The following NOC4L variants were observed in gnomAD, a reference collection of about 807,000 sequenced individuals.
NOC4L encodes the protein nucleolar complex associated 4 homolog.
A neutral mutation model predicts 62.8 loss-of-function variants in NOC4L; 40 were observed. That is an observed-to-expected ratio of 0.64 (90% CI 0.49 to 0.83). The LOEUF is 0.83. NOC4L is among the 40% of genes least tolerant of loss of function. NOC4L has a pLI of 0.00. For missense variants in NOC4L, 927 were observed against 701.9 expected, an observed-to-expected ratio of 1.32 and a Z score of -3.62; for synonymous variants, 433 against 299.8, an observed-to-expected ratio of 1.44 and a Z score of -4.59.
At chr12:132,145,280 C>G (rs1267820600) in intron 2 of NOC4L, among the ~76,000 whole-genome samples, 1 of 152,182 alleles carries the variant, frequency 6.6e-6, no homozygotes, top group African/African-American at 2.4e-5. Context: ...ATGTCCCCAT[C>G]CTGGGGACGT....
In NOC4L at chr12:132,151,723, A is replaced by C. The variant is rs1390012667; in HGVS notation, c.1235-15A>C. Reference sequence around the variant, plus strand: ...TGCTGTGGACGGCAGACAAGGGCCCACGTCTCATTCCTAGAGTTGGACGCC... The same window carrying C: ...TGCTGTGGACGGCAGACAAGGGCCCCCGTCTCATTCCTAGAGTTGGACGCC... On this transcript the variant is annotated splice_polypyrimidine_tract_variant and intron_variant, in intron 12 of 14. Coordinates refer to ENST00000330579, the MANE Select transcript of NOC4L (RefSeq NM_024078.3). The C allele has an allele frequency of 6.2e-7, 1 of 1,612,294 alleles. No individual in the cohort carries two copies. Among genetic ancestry groups the C allele is most frequent in the Non-Finnish European group, 8.5e-7 (1 of 1,179,752 alleles).
rs776094859 is a variant in NOC4L, at chr12:132,151,266, C to T, written c.971C>T (p.Pro324Leu). ...ILIHKHNLEY[P>L]DFYRKLYGLL... ...TTCCCCCCGGCCCGCAGGGAGTACC[C>T]TGACTTCTACCGGAAGCTCTACGGC... The change falls in exon 11 of 15, where the codon CCT becomes CTT. Residue 324 changes from proline (P) to leucine (L), a missense_variant. Coordinates refer to ENST00000330579, the MANE Select transcript of NOC4L (RefSeq NM_024078.3). 6.2e-7 allele frequency: 1 copy of T among 1,611,638 alleles called. No individual in the cohort carries two copies. Among genetic ancestry groups the T allele is most frequent in the Admixed American group, 1.7e-5 (1 of 60,030 alleles).
chr12:132,148,757 C>G (rs1303789518), intron 8 of NOC4L, 27 bp from the exon 9 acceptor site: 1 of 1,239,482 alleles, frequency 8.1e-7, no homozygotes, highest in African/African-American at 1.5e-5. Flanking sequence ...ACCCGCCCCT[C>G]ACCCCCACCT....
rs374870140 is a variant in NOC4L, at chr12:132,151,465, C to T, written c.1074-19C>T. 1.6e-5 allele frequency: 26 copies of T among 1,599,926 alleles called. No homozygotes were observed. The African/African-American group carries it at 3.1e-4, about 19-fold the overall frequency. ...GGCTAGCAGTCCGGGCCCTGTCTCA[C>T]AACCACTGCCCTGCCCAGCCACCTC... On this transcript the variant is annotated intron_variant, in intron 11 of 14. Coordinates refer to ENST00000330579, the MANE Select transcript of NOC4L (RefSeq NM_024078.3).
chr12:132,146,031 C>T (rs113222730), intron 3 of NOC4L, among the ~76,000 whole-genome samples: 166 of 152,308 alleles, frequency 1.1e-3, no homozygotes, highest in African/African-American at 3.7e-3. Flanking sequence ...ATAACTGAGG[C>T]ACAGTTTACC....
rs761884391 is a variant in NOC4L, at chr12:132,151,002, C to T, written c.923C>T (p.Ala308Val). Residue 308 changes from alanine to valine, a missense_variant, in exon 10 of 15, where the codon GCC (alanine) becomes GTC (valine). Ala to Val is a moderately conservative substitution (Grantham distance 64, BLOSUM62 0). Coordinates refer to ENST00000330579, the MANE Select transcript of NOC4L (RefSeq NM_024078.3). ...CDLGGALSLL[A>V]LNGLFILIHK... ...GCAGGGGGGGCCCTCAGCCTCTTGG[C>T]CTTGAACGGGCTGTTCATCTTGATT... 2.5e-6 allele frequency: 4 copies of T among 1,610,826 alleles called. No homozygotes were observed. The highest frequency in any genetic ancestry group is 2.2e-5 in the East Asian group (1 of 44,872).
rs770061313 is a variant in NOC4L, at chr12:132,144,913, C to T, written c.177C>T (p.Ala59=). 6.9e-6 allele frequency: 11 copies of T among 1,601,474 alleles called. No homozygotes were observed. Among genetic ancestry groups the T allele is most frequent in the South Asian group, 2.3e-5 (2 of 88,694 alleles). Reference sequence around the variant, plus strand: ...GCACGTGCAGCCGTCTTTTCGGGGCCTTGCTGGAGCGGGGAGAGCTGTTTG... The same window carrying T: ...GCACGTGCAGCCGTCTTTTCGGGGCTTTGCTGGAGCGGGGAGAGCTGTTTG... The part of the protein sequence containing the change: ...AVRTCSRLFG[A]LLERGELFVG... Residue 59 remains alanine, a synonymous_variant, in exon 2 of 15, where the codon GCC becomes GCT. Transcript: ENST00000330579.
At chr12:132,146,700 C>G (rs59930941) in intron 3 of NOC4L, among the ~76,000 whole-genome samples, 2,643 of 152,274 alleles carry the variant, frequency 0.017, 71 homozygotes, top group African/African-American at 0.058. Context: ...TCCACCTTCT[C>G]AGAAAGAAAT....
rs1322382479 is a variant in NOC4L at position 132,148,765 on chromosome 12, C to G, written c.790-19C>G. The G allele has an allele frequency of 6.8e-7, 1 of 1,465,246 alleles. No individual in the cohort carries two copies. The highest frequency in any genetic ancestry group is 2.6e-5 in the East Asian group (1 of 39,066). 90.8% of individuals were successfully genotyped at this position (1,465,246 alleles called of 1,614,324 possible). A position where few individuals can be genotyped will look rare whatever the true frequency, so the allele number is the denominator to read the frequency against. Reference sequence around the variant, plus strand: ...CCCGCCCACCCGCCCCTCACCCCCACCTGCCGGCCCCCGCCCAGCTGCCCC... The same window carrying G: ...CCCGCCCACCCGCCCCTCACCCCCAGCTGCCGGCCCCCGCCCAGCTGCCCC... On this transcript the variant is annotated intron_variant, in intron 8 of 14. Coordinates refer to ENST00000330579, the MANE Select transcript of NOC4L (RefSeq NM_024078.3).
intron 9 of NOC4L, 58 bp downstream of exon 9, chr12:132,148,953 C>T (rs757729188): frequency 3.5e-5 from 12 of 346,390 alleles, no homozygotes; most frequent in African/African-American, 9.7e-5. Flanking sequence ...AGTGCCGCCG[C>T]CTCACTCCTA....
chr12:132,149,127 C>T (rs1253761112), intron 9 of NOC4L, among the ~76,000 whole-genome samples: 8 of 50,486 alleles, frequency 1.6e-4, no homozygotes, highest in African/African-American at 2.2e-4. Context: ...TGAGTGCCGC[C>T]GCCTCACTCC....
rs1218039964 is a variant in NOC4L, at chr12:132,148,615, A to G, written c.745A>G (p.Arg249Gly). Residue 249 changes from arginine to glycine, a missense_variant, in exon 8 of 15, where the codon AGG becomes GGG. Arg to Gly is a moderately radical substitution (Grantham distance 125). Coordinates refer to ENST00000330579, the MANE Select transcript of NOC4L (RefSeq NM_024078.3). Reference protein sequence around the residue: ...TWKVAHLKEHRRVFQAMWLSF... With the variant: ...TWKVAHLKEHGRVFQAMWLSF... ...AGTCTGGACCCCGTTGCAGGAGCAC[A>G]GGAGGGTTTTCCAGGCCATGTGGCT... is the stretch of plus-strand genomic sequence containing the variant. The G allele has an allele frequency of 2.7e-6, 4 of 1,460,656 alleles. No homozygotes were observed. The highest frequency in any genetic ancestry group is 2.1e-5 in the Admixed American group (1 of 47,068). The allele number at this position is 1,460,656 out of a possible 1,614,324, so 90.5% of individuals were successfully genotyped here.
intron 6 of NOC4L, 25 bp from the exon 7 acceptor site, chr12:132,148,047 A>G: frequency 6.2e-7 from 1 of 1,613,346 alleles, no homozygotes; most frequent in Non-Finnish European, 8.5e-7. Context: ...GGGTCAGGTG[A>G]CCTTTGCCCT....
intron 7 of NOC4L, 72 bp downstream of exon 7, chr12:132,148,178 T>G: frequency 6.7e-7 from 1 of 1,482,508 alleles, no homozygotes; most frequent in Non-Finnish European, 9.3e-7. Context: ...TGAGACCCCA[T>G]GGAGGCTGCC....
In NOC4L at chr12:132,148,634, T is replaced by C. The variant is rs1205989044; in HGVS notation, c.764T>C (p.Met255Thr). The change falls in exon 8 of 15, where the codon ATG becomes ACG. Residue 255 changes from methionine (M) to threonine (T), a missense_variant. Physicochemically the swap from Met to Thr is moderately conservative, Grantham distance 81 (BLOSUM62 -1). Transcript: ENST00000330579. ...GAGCACAGGAGGGTTTTCCAGGCCA[T>C]GTGGCTCAGCTTCCTCAAGCACAAG... ...LKEHRRVFQA[M>T]WLSFLKHKLP... 2.0e-6 allele frequency: 3 copies of C among 1,538,306 alleles called. No individual in the cohort carries two copies. Among genetic ancestry groups the C allele is most frequent in the Non-Finnish European group, 2.6e-6 (3 of 1,141,422 alleles).
At position 132,147,840 on chromosome 12, in the gene NOC4L, C is replaced by CT. The variant is rs1373061321; in HGVS notation, c.604-39dup. 5.0e-6 allele frequency: 8 copies of CT among 1,610,104 alleles called. No homozygotes were observed. The African/African-American group carries it at 8.0e-5, about 16-fold the overall frequency. On this transcript the variant is annotated intron_variant, in intron 5 of 14. Transcript: ENST00000330579. ...CTGTTGCCTCCCAGGGAGGCAGGGA[C>CT]TGGGGGGCGGCGTCCAGGCACTCAG...
rs1350920321 is a variant in NOC4L, at chr12:132,147,406, G to A, written c.453+18G>A. On this transcript the variant is annotated intron_variant, in intron 4 of 14. Transcript: ENST00000330579. ...TCTTCAAGGTGAGGGCCTTGCTGGGGACTCCCAGAGGGCCTGGCTGGCTGG... is the reference window on the plus strand; with the variant it reads ...TCTTCAAGGTGAGGGCCTTGCTGGGAACTCCCAGAGGGCCTGGCTGGCTGG... 6.5e-7 allele frequency: 1 copy of A among 1,534,688 alleles called. No individual in the cohort carries two copies. The highest frequency in any genetic ancestry group is 2.4e-5 in the East Asian group (1 of 42,546).
rs765582443 is a variant in NOC4L, at chr12:132,148,567, G to C, written c.739-42G>C. 4 of 1,547,792 alleles carry C rather than the reference G, an allele frequency of 2.6e-6. No homozygotes were observed. In the South Asian group the frequency reaches 3.6e-5, roughly 14 times the overall value. ...CTGGCAGCTGCTCGGGCTCTGGTCT[G>C]GGGTGGGGAGGGCGGCGAGTGCAGT... On this transcript the variant is annotated intron_variant, in intron 7 of 14. Coordinates refer to ENST00000330579, the MANE Select transcript of NOC4L (RefSeq NM_024078.3).
In NOC4L at chr12:132,147,343, G is replaced by T. The variant is rs752969978; in HGVS notation, c.408G>T (p.Lys136Asn). Residue 136 changes from lysine to asparagine, a missense_variant, in exon 4 of 15, where the codon AAG becomes AAT. Lys to Asn is a moderately conservative substitution (Grantham distance 94). Transcript: ENST00000330579. ...TGGAAGGAGCGCACCCCCTGGAGAA[G>T]TCCAAGTGGGAAGGCAACTACCTGT... Reference protein sequence around the residue: ...VQLEGAHPLEKSKWEGNYLFP... With the variant: ...VQLEGAHPLENSKWEGNYLFP... The T allele has an allele frequency of 6.3e-7, 1 of 1,597,432 alleles. No individual in the cohort carries two copies. Among genetic ancestry groups the T allele is most frequent in the Non-Finnish European group, 8.5e-7 (1 of 1,171,864 alleles).
Sources: allele counts gnomAD v4.1 joint callset (sites outside exome capture counted in the v4.1 genomes callset), GRCh38; gene constraint gnomAD v4.1.1; transcripts MANE v1.5; gene names NCBI Gene and HGNC (gene_info 2026-07-23, HGNC 2026-07-21).